Variants in DMXL1 observed in about 807,000 individuals in gnomAD.
DMXL1 encodes the protein Dmx like 1, also known as dmX-like protein 1.
Under a neutral mutation model 319.2 loss-of-function variants are expected in DMXL1, and 99 were observed. The ratio of observed to expected loss-of-function variants is 0.31; its 90% confidence interval spans 0.26 to 0.37. The LOEUF (loss-of-function observed/expected upper bound fraction) is 0.37, where lower values mean the gene tolerates loss of function less well. DMXL1 is among the 10% of genes least tolerant of loss of function. The pLI is 1.00. For synonymous variants in DMXL1, 1,385 were observed against 1,235.2 expected (o/e 1.12, Z -2.54); for missense variants, 3,745 against 3,595.6 (o/e 1.04, Z -1.06).
intron 1 of DMXL1, among the ~76,000 whole-genome samples, chr5:119,087,215 A>G (rs1348952073): frequency 6.7e-6 from 1 of 148,762 alleles, no homozygotes; most frequent in South Asian, 2.1e-4. Flanking sequence ...TTTGGGTTTG[A>G]TTTGTTCTTG....
intron 32 of DMXL1, among the ~76,000 whole-genome samples, chr5:119,199,497 G>A (rs1418771888): frequency 6.6e-6 from 1 of 152,038 alleles, no homozygotes; most frequent in Admixed American, 6.6e-5. Context: ...CCATTTCTTT[G>A]CTATTGTGAA....
intron 33 of DMXL1, chr5:119,206,434 C>G (rs2150481746): frequency 6.5e-6 from 1 of 153,180 alleles, no homozygotes; most frequent in East Asian, 1.9e-4. Flanking sequence ...CCTGAAGGTT[C>G]AGATGTGGAG....
At chr5:119,202,739 T>C (rs1780930570) in intron 32 of DMXL1, among the ~76,000 whole-genome samples, 2 of 151,170 alleles carry the variant, frequency 1.3e-5, no homozygotes, top group African/African-American at 4.9e-5. Flanking sequence ...TAATCCCAGC[T>C]ACTCGGGAGG....
intron 34 of DMXL1, among the ~76,000 whole-genome samples, chr5:119,216,695 G>A (rs1356816238): frequency 1.3e-5 from 2 of 151,960 alleles, no homozygotes; most frequent in Admixed American, 1.3e-4. Flanking sequence ...GTTTTTTTAT[G>A]TGTAAAAAAG....
intron 1 of DMXL1, among the ~76,000 whole-genome samples, chr5:119,079,263 C>T (rs1580561660): frequency 6.6e-6 from 1 of 152,144 alleles, no homozygotes; most frequent in East Asian, 1.9e-4. Flanking sequence ...GCTGAAAAAT[C>T]CACTTATATC....
At chr5:119,221,108 G>A in intron 37 of DMXL1, 27 bp downstream of exon 37, 1 of 1,530,668 alleles carries the variant, frequency 6.5e-7, no homozygotes, top group Non-Finnish European at 8.9e-7. Flanking sequence ...ATAAATTTAA[G>A]TTATATGTAA....
chr5:119,104,722 G>A (rs1373852511), intron 3 of DMXL1, among the ~76,000 whole-genome samples: 5 of 152,076 alleles, frequency 3.3e-5, no homozygotes, highest in South Asian at 2.1e-4. Flanking sequence ...GAAAAATTTC[G>A]CTTTAAGAAG....
At chr5:119,085,085 T>C (rs1024558947) in intron 1 of DMXL1, among the ~76,000 whole-genome samples, 6 of 151,920 alleles carry the variant, frequency 3.9e-5, no homozygotes, top group Non-Finnish European at 8.8e-5. Context: ...TCTCATCACT[T>C]TGGGAGGCTG....
intron 10 of DMXL1, among the ~76,000 whole-genome samples, chr5:119,130,581 G>C (rs1303179323): frequency 1.3e-5 from 2 of 152,140 alleles, no homozygotes; most frequent in Non-Finnish European, 2.9e-5. Flanking sequence ...GACCTCAGGT[G>C]ATCCATCCAC....
chr5:119,205,485 T>A (rs576988401), intron 33 of DMXL1, among the ~76,000 whole-genome samples: 1 of 152,112 alleles, frequency 6.6e-6, no homozygotes, highest in Non-Finnish European at 1.5e-5. Flanking sequence ...AATGTTGGAC[T>A]AACAGTTTTG....
intron 28 of DMXL1, among the ~76,000 whole-genome samples, chr5:119,185,419 C>T (rs930193499): frequency 2.0e-5 from 3 of 152,072 alleles, no homozygotes; most frequent in Non-Finnish European, 4.4e-5. Flanking sequence ...GTTCAAGATA[C>T]GGTGTATGGT....
chr5:119,222,673 C>A (rs532479065), intron 37 of DMXL1, among the ~76,000 whole-genome samples: 3 of 152,150 alleles, frequency 2.0e-5, no homozygotes, highest in Admixed American at 6.5e-5. Flanking sequence ...GGTTGTCACT[C>A]GCTTTCTAAA....
At chr5:119,087,008 A>G (rs1402513643) in intron 1 of DMXL1, among the ~76,000 whole-genome samples, 4 of 151,664 alleles carry the variant, frequency 2.6e-5, no homozygotes, top group African/African-American at 9.7e-5. Context: ...GTTCATAAGG[A>G]TTCTTTTTAG....
At position 119,164,527 on chromosome 5, in the gene DMXL1, G is replaced by A. The variant is rs767645288; in HGVS notation, c.4723G>A (p.Ala1575Thr). The change falls in exon 20 of 44, where the codon GCT (alanine) becomes ACT (threonine). Residue 1575 changes from alanine to threonine, a missense_variant. Physicochemically the swap from Ala to Thr is moderately conservative, Grantham distance 58. Coordinates refer to ENST00000539542, the MANE Select transcript of DMXL1 (RefSeq NM_001290321.3). ...TTCAGGCCTGTCTACAAGTCATTTTGCTTGGGCATTTCACTCAGTAGCAGA... is the reference window on the plus strand; with the variant it reads ...TTCAGGCCTGTCTACAAGTCATTTTACTTGGGCATTTCACTCAGTAGCAGA... ...LHQGLSTSHFAWAFHSVAEEE... is the reference protein window; with the variant it reads ...LHQGLSTSHFTWAFHSVAEEE... The A allele has an allele frequency of 6.2e-7, 1 of 1,613,436 alleles. No homozygotes were observed. Among genetic ancestry groups the A allele is most frequent in the East Asian group, 2.2e-5 (1 of 44,882 alleles).
intron 37 of DMXL1, among the ~76,000 whole-genome samples, chr5:119,221,632 A>G (rs1380273254): frequency 6.6e-6 from 1 of 152,154 alleles, no homozygotes; most frequent in African/African-American, 2.4e-5. Flanking sequence ...TCTGCAACAG[A>G]AAGTAAATGC....
intron 5 of DMXL1, among the ~76,000 whole-genome samples, chr5:119,112,440 A>G (rs1759847876): frequency 6.6e-6 from 1 of 152,196 alleles, no homozygotes. Context: ...GTAGATAGAA[A>G]ATAAACCAGT....
At position 119,220,863 on chromosome 5, in the gene DMXL1, T is replaced by A. The variant is rs942896132; in HGVS notation, c.8136-77T>A. On this transcript the variant is annotated intron_variant, in intron 36 of 43. Transcript: ENST00000539542. Reference sequence around the variant, plus strand: ...ATTAATTTTAAAGGGAACTATAAATTCAAATTTTAGACCTTTCAAGTGTAA... The same window carrying A: ...ATTAATTTTAAAGGGAACTATAAATACAAATTTTAGACCTTTCAAGTGTAA... 3.3e-6 allele frequency: 5 copies of A among 1,520,534 alleles called. No individual in the cohort carries two copies. In the African/African-American group the frequency reaches 7.0e-5, roughly 21 times the overall value. The allele number at this position is 1,520,534 out of a possible 1,614,324, so 94.2% of individuals were successfully genotyped here.
intron 1 of DMXL1, 68 bp downstream of exon 1, chr5:119,071,724 C>G: frequency 2.1e-6 from 3 of 1,418,264 alleles, no homozygotes; most frequent in Non-Finnish European, 2.8e-6. Context: ...CCGAGCTTGG[C>G]CCAGAACGAC....
chr5:119,122,302 CGGGCGGGGGGCT>C (rs1561640954), intron 9 of DMXL1, among the ~76,000 whole-genome samples: 1 of 145,304 alleles, frequency 6.9e-6, no homozygotes, highest in African/African-American at 2.5e-5. Flanking sequence ...GGCGGCTGGC[CGGGCGGGGGGCT>C]GACCCCCCCA....
Sources: gnomAD v4.1 joint callset for allele counts (sites outside exome capture counted in the v4.1 genomes callset) on GRCh38, gnomAD v4.1.1 for gene constraint, MANE v1.5 for transcripts, NCBI Gene and HGNC (gene_info 2026-07-23, HGNC 2026-07-21) for gene names.